SLC24A3: variants seen among roughly 807,000 people sequenced by gnomAD.
The protein encoded by SLC24A3 is sodium/potassium/calcium exchanger 3.
Under a neutral mutation model 75.8 loss-of-function variants are expected in SLC24A3, and 28 were observed. The observed-to-expected ratio is 0.37, with a 90% CI of 0.27 to 0.51. The LOEUF (loss-of-function observed/expected upper bound fraction) is 0.51. Ranked by LOEUF, SLC24A3 falls within the 20% of genes least tolerant of loss-of-function variation. The pLI is 0.94. For missense variants in SLC24A3, 663 were observed against 847.8 expected (o/e 0.78, Z 2.71); for synonymous variants, 372 against 334.1 (o/e 1.11, Z -1.24).
At chr20:19,398,874 T>C (rs751835599) in intron 2 of SLC24A3, among the ~76,000 whole-genome samples, 14 of 152,186 alleles carry the variant, frequency 9.2e-5, no homozygotes, top group Non-Finnish European at 1.9e-4. Context: ...TTGTGTGCAA[T>C]TGGTATTATT....
chr20:19,310,039 C>T (rs1260145457), intron 2 of SLC24A3, among the ~76,000 whole-genome samples: 4 of 152,164 alleles, frequency 2.6e-5, no homozygotes, highest in African/African-American at 4.8e-5. Flanking sequence ...TGAGCAGAGC[C>T]GGACTTGACA....
chr20:19,336,696 C>T (rs1360914869), intron 2 of SLC24A3, among the ~76,000 whole-genome samples: 2 of 127,936 alleles, frequency 1.6e-5, no homozygotes, highest in African/African-American at 2.9e-5. Context: ...ACCCCCCACC[C>T]CCCACCCCCC....
At chr20:19,287,685 G>A (rs536142787) in intron 2 of SLC24A3, among the ~76,000 whole-genome samples, 1 of 152,306 alleles carries the variant, frequency 6.6e-6, no homozygotes, top group African/African-American at 2.4e-5. Flanking sequence ...TCATCAATGA[G>A]GCAGAAATTG....
At chr20:19,254,636 C>T (rs73124841) in intron 1 of SLC24A3, among the ~76,000 whole-genome samples, 1 of 152,174 alleles carries the variant, frequency 6.6e-6, no homozygotes, top group Admixed American at 6.5e-5. Flanking sequence ...GTCTTTCTGA[C>T]TCATGCCTCT....
intron 2 of SLC24A3, among the ~76,000 whole-genome samples, chr20:19,506,656 C>T (rs1246144034): frequency 6.6e-6 from 1 of 152,064 alleles, no homozygotes; most frequent in Non-Finnish European, 1.5e-5. Context: ...ATTTTCAATA[C>T]TTGATAAAGG....
chr20:19,474,083 T>C (rs1468791852), intron 2 of SLC24A3, among the ~76,000 whole-genome samples: 1 of 152,250 alleles, frequency 6.6e-6, no homozygotes, highest in East Asian at 1.9e-4. Context: ...CTGAGGGAGC[T>C]CGCTTCATAA....
At chr20:19,475,648 AAAAT>A (rs1464843552) in intron 2 of SLC24A3, among the ~76,000 whole-genome samples, 2 of 152,224 alleles carry the variant, frequency 1.3e-5, no homozygotes, top group Admixed American at 6.5e-5. Flanking sequence ...AAGAAATAAT[AAAAT>A]AAATAGGAAT....
chr20:19,231,390 A>T (rs749190459), intron 1 of SLC24A3, among the ~76,000 whole-genome samples: 7 of 152,178 alleles, frequency 4.6e-5, no homozygotes, highest in Non-Finnish European at 8.8e-5. Flanking sequence ...CTGACCTTGG[A>T]ATAGTGAGAT....
intron 9 of SLC24A3, among the ~76,000 whole-genome samples, chr20:19,674,440 T>C (rs568016667): frequency 6.6e-6 from 1 of 152,354 alleles, no homozygotes; most frequent in South Asian, 2.1e-4. Flanking sequence ...CTTCAAGCGA[T>C]GCTGGCTCTT....
chr20:19,412,380 C>T (rs551569583), intron 2 of SLC24A3, among the ~76,000 whole-genome samples: 2 of 150,920 alleles, frequency 1.3e-5, no homozygotes, highest in Admixed American at 6.6e-5. Flanking sequence ...CCCCTGTGAG[C>T]GAAATGCCAA....
chr20:19,356,733 G>A (rs1185844116), intron 2 of SLC24A3, among the ~76,000 whole-genome samples: 1 of 152,008 alleles, frequency 6.6e-6, no homozygotes, highest in Non-Finnish European at 1.5e-5. Context: ...GTATCTACAG[G>A]TTCTACCAAA....
chr20:19,474,270 C>G (rs1987924425), intron 2 of SLC24A3, among the ~76,000 whole-genome samples: 1 of 152,184 alleles, frequency 6.6e-6, no homozygotes, highest in Non-Finnish European at 1.5e-5. Context: ...GGCCCTGTGT[C>G]CCCCGGGGCT....
intron 2 of SLC24A3, among the ~76,000 whole-genome samples, chr20:19,483,588 C>G (rs938437976): frequency 1.3e-5 from 2 of 152,150 alleles, no homozygotes; most frequent in Admixed American, 1.3e-4. Flanking sequence ...TACTGACATT[C>G]CAAATGGAGT....
chr20:19,258,030 G>A (rs1335882114), intron 1 of SLC24A3, among the ~76,000 whole-genome samples: 1 of 152,202 alleles, frequency 6.6e-6, no homozygotes, highest in Non-Finnish European at 1.5e-5. Flanking sequence ...TCTGAGCCCT[G>A]GGGCTGTGAG....
At chr20:19,614,019 C>A (rs1303635697) in intron 6 of SLC24A3, among the ~76,000 whole-genome samples, 1 of 152,200 alleles carries the variant, frequency 6.6e-6, no homozygotes, top group African/African-American at 2.4e-5. Context: ...CGGGGGCTGG[C>A]TCTGCCTCCC....
chr20:19,442,999 A>G (rs1008199789), intron 2 of SLC24A3, among the ~76,000 whole-genome samples: 3 of 152,168 alleles, frequency 2.0e-5, no homozygotes, highest in African/African-American at 7.2e-5. Context: ...TCAATTGACT[A>G]TGTTTGCATG....
At chr20:19,280,390 C>A (rs577233279) in intron 1 of SLC24A3, among the ~76,000 whole-genome samples, 1 of 152,198 alleles carries the variant, frequency 6.6e-6, no homozygotes, top group East Asian at 1.9e-4. Context: ...GATGTATGTT[C>A]AATGGTGGGT....
intron 2 of SLC24A3, among the ~76,000 whole-genome samples, chr20:19,358,201 TG>T: frequency 6.6e-6 from 1 of 152,182 alleles, no homozygotes; most frequent in Non-Finnish European, 1.5e-5. Flanking sequence ...GGCCATGACC[TG>T]GGGTGCCTTT....
chr20:19,257,459 TG>T (rs1366571196), intron 1 of SLC24A3, among the ~76,000 whole-genome samples: 4 of 152,184 alleles, frequency 2.6e-5, no homozygotes, highest in African/African-American at 9.7e-5. Flanking sequence ...CTTTATGGTC[TG>T]GGGGGAGACC....
Sources: gnomAD v4.1 joint callset for allele counts (sites outside exome capture counted in the v4.1 genomes callset) on GRCh38, gnomAD v4.1.1 for gene constraint, MANE v1.5 for transcripts, NCBI Gene and HGNC (gene_info 2026-07-23, HGNC 2026-07-21) for gene names.